Variants in EPHA3 observed in about 807,000 individuals in gnomAD.
The protein encoded by EPHA3 is EPH receptor A3, also known as ephrin type-A receptor 3.
Under a neutral mutation model 107.1 loss-of-function variants are expected in EPHA3, and 42 were observed. That is an observed-to-expected ratio of 0.39 (90% CI 0.31 to 0.51). The LOEUF is 0.51. Ranked by LOEUF, EPHA3 falls within the 20% of genes least tolerant of loss-of-function variation. EPHA3 has a pLI of 0.78. For synonymous variants in EPHA3, 461 were observed against 424.8 expected, an observed-to-expected ratio of 1.09 and a Z score of -1.05; for missense variants, 1,183 against 1,211.2, an observed-to-expected ratio of 0.98 and a Z score of 0.35.
intron 1 of EPHA3, among the ~76,000 whole-genome samples, chr3:89,117,004 A>G (rs1446049263): frequency 6.6e-6 from 1 of 152,086 alleles, no homozygotes; most frequent in Non-Finnish European, 1.5e-5. Context: ...AAGGCTCCAA[A>G]CTGAGCTGTC....
chr3:89,369,631 G>T (rs1157893866), intron 5 of EPHA3, among the ~76,000 whole-genome samples: 1 of 149,124 alleles, frequency 6.7e-6, no homozygotes, highest in Non-Finnish European at 1.5e-5. Flanking sequence ...AAAAGCAATG[G>T]CAACAAAAGC....
intron 5 of EPHA3, among the ~76,000 whole-genome samples, chr3:89,359,389 T>A (rs1708038338): frequency 6.6e-6 from 1 of 150,728 alleles, no homozygotes; most frequent in Non-Finnish European, 1.5e-5. Context: ...ACGATTAAAA[T>A]GAGTTTCAAA....
At chr3:89,342,858 T>TACACACACACAC (rs144807058) in intron 5 of EPHA3, among the ~76,000 whole-genome samples, 56 of 139,314 alleles carry the variant, frequency 4.0e-4, no homozygotes, top group African/African-American at 1.3e-3. Flanking sequence ...TTTTTACACA[T>TACACACACACAC]ACACACACAC....
At chr3:89,439,199 A>G (rs1709733173) in intron 13 of EPHA3, among the ~76,000 whole-genome samples, 1 of 152,228 alleles carries the variant, frequency 6.6e-6, no homozygotes, top group Non-Finnish European at 1.5e-5. Context: ...GAATAGAATA[A>G]TTTTAATAAT....
At chr3:89,124,059 C>A (rs1704032471) in intron 1 of EPHA3, among the ~76,000 whole-genome samples, 1 of 152,024 alleles carries the variant, frequency 6.6e-6, no homozygotes, top group Admixed American at 6.6e-5. Flanking sequence ...CTCGTATTGT[C>A]CAGCAATTGA....
At chr3:89,414,799 A>C (rs535017895) in intron 10 of EPHA3, among the ~76,000 whole-genome samples, 1 of 151,764 alleles carries the variant, frequency 6.6e-6, no homozygotes, top group East Asian at 1.9e-4. Flanking sequence ...GGGAAAAAGC[A>C]CACCACTGAA....
chr3:89,375,760 G>A (rs1425950392), intron 5 of EPHA3, among the ~76,000 whole-genome samples: 2 of 151,896 alleles, frequency 1.3e-5, no homozygotes, highest in Admixed American at 1.3e-4. Flanking sequence ...ATTCCAAAGG[G>A]ATATTGTACA....
chr3:89,211,203 C>T (rs1704072070), intron 3 of EPHA3, among the ~76,000 whole-genome samples: 1 of 151,908 alleles, frequency 6.6e-6, no homozygotes. Context: ...AATATAATAT[C>T]ACAGAACTAG....
intron 3 of EPHA3, among the ~76,000 whole-genome samples, chr3:89,264,754 C>T (rs71322865): frequency 0.29 from 44,188 of 151,802 alleles, 8,333 homozygotes; most frequent in African/African-American, 0.55. Context: ...TTTATTGAAT[C>T]AATAAATAAG....
chr3:89,220,762 A>G (rs764578234), intron 3 of EPHA3, among the ~76,000 whole-genome samples: 2 of 152,210 alleles, frequency 1.3e-5, no homozygotes, highest in African/African-American at 4.8e-5. Flanking sequence ...ATGTGGTTCT[A>G]TTCCAGGACA....
chr3:89,293,394 C>T (rs573747063), intron 3 of EPHA3, among the ~76,000 whole-genome samples: 10 of 152,148 alleles, frequency 6.6e-5, no homozygotes, highest in Admixed American at 1.3e-4. Flanking sequence ...AATTATTGTG[C>T]TTTTGCTGTT....
At chr3:89,419,563 A>G (rs1277349222) in intron 11 of EPHA3, among the ~76,000 whole-genome samples, 173 bp downstream of exon 11, 1 of 151,452 alleles carries the variant, frequency 6.6e-6, no homozygotes, top group African/African-American at 2.4e-5. Context: ...ACCTTTAAAT[A>G]ATATTCTATT....
chr3:89,204,996 CAAA>C (rs1196347290), intron 2 of EPHA3, among the ~76,000 whole-genome samples: 4 of 152,230 alleles, frequency 2.6e-5, no homozygotes, highest in African/African-American at 9.6e-5. Flanking sequence ...CATTGAAATG[CAAA>C]AATAATGTAA....
chr3:89,114,857 G>A (rs1707215989), intron 1 of EPHA3, among the ~76,000 whole-genome samples: 1 of 152,232 alleles, frequency 6.6e-6, no homozygotes, highest in South Asian at 2.1e-4. Context: ...CTGGGCGTCA[G>A]TAAGACGCCA....
intron 15 of EPHA3, among the ~76,000 whole-genome samples, chr3:89,459,780 T>A (rs1490404601): frequency 6.6e-6 from 1 of 152,068 alleles, no homozygotes; most frequent in Non-Finnish European, 1.5e-5. Context: ...GCCTTGGCCT[T>A]TCAAATTGCT....
chr3:89,187,390 C>T (rs1198413754), intron 2 of EPHA3, among the ~76,000 whole-genome samples: 1 of 148,452 alleles, frequency 6.7e-6, no homozygotes, highest in African/African-American at 2.5e-5. Flanking sequence ...GCATTTAATA[C>T]ATATTTATTT....
chr3:89,430,631 A>G (rs1190206732), intron 12 of EPHA3, among the ~76,000 whole-genome samples: 2 of 152,188 alleles, frequency 1.3e-5, no homozygotes, highest in Non-Finnish European at 2.9e-5. Flanking sequence ...TGTGACTACA[A>G]TTCAGAAGTG....
intron 2 of EPHA3, among the ~76,000 whole-genome samples, chr3:89,152,792 C>G (rs531400448): frequency 6.6e-6 from 1 of 151,974 alleles, no homozygotes; most frequent in South Asian, 2.1e-4. Flanking sequence ...TCTAAATGAA[C>G]GAAGAAATGT....
chr3:89,205,006 G>A (rs1268998358), intron 2 of EPHA3, among the ~76,000 whole-genome samples: 2 of 152,164 alleles, frequency 1.3e-5, no homozygotes, highest in South Asian at 2.1e-4. Flanking sequence ...CAAAAATAAT[G>A]TAAATGTAAC....
Sources: gnomAD v4.1 joint callset for allele counts (sites outside exome capture counted in the v4.1 genomes callset) on GRCh38, gnomAD v4.1.1 for gene constraint, MANE v1.5 for transcripts, NCBI Gene and HGNC (gene_info 2026-07-23, HGNC 2026-07-21) for gene names.